DPP6: variants seen among roughly 807,000 people sequenced by gnomAD.
The protein encoded by DPP6 is dipeptidyl peptidase like 6, also known as A-type potassium channel modulatory protein DPP6.
In DPP6, 69 loss-of-function variants were observed where a neutral mutation model predicts 122.6. The observed-to-expected ratio is 0.56, with a 90% CI of 0.46 to 0.69. The LOEUF is 0.69. Ranked by LOEUF, DPP6 falls within the 30% of genes least tolerant of loss-of-function variation. DPP6 has a pLI of 0.00. For synonymous variants in DPP6, 418 were observed against 433.1 expected (o/e 0.97, Z 0.43); for missense variants, 928 against 1,116.9 (o/e 0.83, Z 2.41).
chr7:153,932,653 G>A (rs1336539767), intron 1 of DPP6, among the ~76,000 whole-genome samples: 1 of 152,086 alleles, frequency 6.6e-6, no homozygotes, highest in Non-Finnish European at 1.5e-5. Context: ...TGGGGAAGAG[G>A]ATAAACTTCC....
At chr7:154,031,614 A>G (rs2533796) in intron 1 of DPP6, among the ~76,000 whole-genome samples, 50,289 of 149,790 alleles carry the variant, frequency 0.34, 9,355 homozygotes, top group African/African-American at 0.51. Context: ...ATAAGCTTTG[A>G]GACTCTAGGC....
chr7:154,052,602 G>A lies in DPP6; in HGVS notation c.-219G>A, dbSNP rs1220461916. On this transcript the variant is annotated 5_prime_UTR_variant, in exon 1 of 26. Coordinates refer to ENST00000377770, the MANE Select transcript of DPP6 (RefSeq NM_130797.4). The surrounding 1 kb of genome is among the most constrained non-coding windows in gnomAD (Gnocchi z 4.8). ...GGCTTCGCGAGCCGCCGGGGAGGGG[G>A]CGGAGGAGGCTGAGCCAGGCAGAGT... 152 of 1,231,906 alleles carry A rather than the reference G, an allele frequency of 1.2e-4. No homozygotes were observed. The highest frequency in any genetic ancestry group is 1.5e-4 in the Non-Finnish European group (146 of 978,608). The allele number at this position is 1,231,906 out of a possible 1,614,324, so 76.3% of individuals were successfully genotyped here.
chr7:153,900,092 A>G (rs1799579396), intron 1 of DPP6, among the ~76,000 whole-genome samples: 1 of 152,234 alleles, frequency 6.6e-6, no homozygotes. Context: ...GACCTACTGA[A>G]TCAGAAGCTC....
Position 153,969,456 on chromosome 7 carries a change from T to C in DPP6, c.51+81722T>C, listed in dbSNP as rs543750977. Among the ~76,000 whole-genome samples, 1,408 of 147,248 alleles carry C rather than the reference T, an allele frequency of 9.6e-3. 96 individuals carry two copies. The highest frequency in any genetic ancestry group is 0.035 in the African/African-American group (1,306 of 37,084). On this transcript the variant is annotated intron_variant, in intron 1 of 25. Coordinates refer to the DPP6 transcript ENST00000404039. ...AAAATTACTTTCTTTGCTTTTAAGCTTTAATAGTGTTACTTGAACTTTGCT... is the reference window on the plus strand; with the variant it reads ...AAAATTACTTTCTTTGCTTTTAAGCCTTAATAGTGTTACTTGAACTTTGCT...
intron 6 of DPP6, among the ~76,000 whole-genome samples, chr7:154,660,677 T>C (rs535205574): frequency 1.5e-5 from 2 of 129,724 alleles, no homozygotes; most frequent in African/African-American, 3.3e-5. Context: ...GTAGTATTCA[T>C]ATAGTCATGG....
At chr7:153,855,255 TAAAAA>T in the DPP6 span, among the ~76,000 whole-genome samples, 1 of 145,746 alleles carries the variant, frequency 6.9e-6, no homozygotes, top group African/African-American at 2.6e-5. Flanking sequence ...AAAGAAATAA[TAAAAA>T]TAATACCTAT....
chr7:154,744,094 C>T (rs954817197), intron 8 of DPP6, among the ~76,000 whole-genome samples: 3 of 152,142 alleles, frequency 2.0e-5, no homozygotes, highest in Admixed American at 6.5e-5. Context: ...CCTGGATCCT[C>T]CCGGTGCGTC....
At chr7:154,420,494 A>G (rs1420173349) in intron 1 of DPP6, among the ~76,000 whole-genome samples, 2 of 152,194 alleles carry the variant, frequency 1.3e-5, no homozygotes, top group Admixed American at 6.5e-5. Context: ...TGTGGTTGCC[A>G]GGCACTGGGA....
intron 3 of DPP6, among the ~76,000 whole-genome samples, chr7:154,530,446 A>G (rs1311437500): frequency 2.6e-5 from 4 of 152,146 alleles, no homozygotes; most frequent in Non-Finnish European, 5.9e-5. Context: ...ATGAGACACC[A>G]TCTCATGCCA....
intron 5 of DPP6, among the ~76,000 whole-genome samples, chr7:154,609,008 G>C (rs1371657406): frequency 1.3e-5 from 2 of 152,108 alleles, no homozygotes; most frequent in African/African-American, 4.8e-5. Flanking sequence ...GAGGGCCCAA[G>C]GCACTCACCC....
At chr7:154,432,842 G>A (rs1248967440) in intron 1 of DPP6, among the ~76,000 whole-genome samples, 1 of 152,106 alleles carries the variant, frequency 6.6e-6, no homozygotes, top group African/African-American at 2.4e-5. Flanking sequence ...CTTGGTAAAA[G>A]AAAAATTGTA....
chr7:154,223,266 G>A (rs1437250801), intron 1 of DPP6, among the ~76,000 whole-genome samples: 1 of 149,304 alleles, frequency 6.7e-6, no homozygotes, highest in African/African-American at 2.6e-5. Flanking sequence ...CAGATTGTAG[G>A]TAAACACGTG....
At chr7:154,122,411 T>C (rs1807542210) in intron 1 of DPP6, among the ~76,000 whole-genome samples, 1 of 152,194 alleles carries the variant, frequency 6.6e-6, no homozygotes, top group African/African-American at 2.4e-5. Context: ...ACCTGTGATA[T>C]GATCTTGAAA....
At chr7:153,966,283 G>A (rs1035780485) in intron 1 of DPP6, among the ~76,000 whole-genome samples, 12 of 151,460 alleles carry the variant, frequency 7.9e-5, no homozygotes, top group Admixed American at 3.3e-4. Flanking sequence ...GTTTGTGCAC[G>A]TGTTCATGTT....
chr7:154,356,203 A>G (rs1192892558), intron 1 of DPP6, among the ~76,000 whole-genome samples: 6 of 152,170 alleles, frequency 3.9e-5, no homozygotes, highest in African/African-American at 1.4e-4. Flanking sequence ...AATTAACACT[A>G]ATTTTATATT....
rs1222003359 is a variant in DPP6, at chr7:154,640,262, A to AAAACAC, written c.680+2394_680+2395insCAAACA. Among the ~76,000 whole-genome samples, 671 of 151,972 alleles carry AAAACAC rather than the reference A, an allele frequency of 4.4e-3. 7 individuals carry two copies. Among genetic ancestry groups the AAAACAC allele is most frequent in the African/African-American group, 0.014 (593 of 41,430 alleles). ...AGTGAGACTCTGTCAAACAAAAACAAAAACAACAATTGGGATTAATTCAAA... is the reference window on the plus strand; with the variant it reads ...AGTGAGACTCTGTCAAACAAAAACAAAAACACAAACAACAATTGGGATTAATTCAAA... On this transcript the variant is annotated intron_variant, in intron 6 of 25. Coordinates refer to ENST00000377770, the MANE Select transcript of DPP6 (RefSeq NM_130797.4).
At chr7:154,410,809 T>G (rs1375286777) in intron 1 of DPP6, among the ~76,000 whole-genome samples, 2 of 152,230 alleles carry the variant, frequency 1.3e-5, no homozygotes, top group Non-Finnish European at 2.9e-5. Context: ...CCTTAGAGCT[T>G]GATTGATTTG....
intron 1 of DPP6, among the ~76,000 whole-genome samples, chr7:153,930,301 C>G (rs1007514606): frequency 1.3e-5 from 2 of 152,156 alleles, no homozygotes; most frequent in African/African-American, 4.8e-5. Context: ...AAATGGGATG[C>G]ACTAGCATTA....
intron 1 of DPP6, among the ~76,000 whole-genome samples, chr7:154,035,427 A>C (rs947177700): frequency 5.3e-5 from 8 of 152,242 alleles, no homozygotes; most frequent in African/African-American, 1.9e-4. Flanking sequence ...CATTAGAGAT[A>C]ATGAAAAAGT....
Sources: allele counts gnomAD v4.1 joint callset (sites outside exome capture counted in the v4.1 genomes callset), GRCh38; gene constraint gnomAD v4.1.1; non-coding constraint Gnocchi (gnomAD v3.1); transcripts MANE v1.5; gene names NCBI Gene and HGNC (gene_info 2026-07-23, HGNC 2026-07-21).